COL4A2: variants seen among roughly 807,000 people sequenced by gnomAD.
The protein encoded by COL4A2 is collagen alpha-2(IV) chain.
In COL4A2, 99 loss-of-function variants were observed where a neutral mutation model predicts 200.2. The observed-to-expected ratio is 0.49, with a 90% CI of 0.42 to 0.58. The LOEUF (loss-of-function observed/expected upper bound fraction) is 0.58, where lower values mean the gene tolerates loss of function less well. Among genes scored for constraint, COL4A2 ranks in the 20% least tolerant of loss-of-function variants. The probability of loss-of-function intolerance (pLI) is 0.00; values close to 1 mark genes in which losing one functional copy is unlikely to be tolerated. For missense variants in COL4A2, 1,950 were observed against 2,314.1 expected, an observed-to-expected ratio of 0.84 and a Z score of 3.23; for synonymous variants, 897 against 900.6, an observed-to-expected ratio of 1.00 and a Z score of 0.07.
rs529941489 is a variant in COL4A2 at position 110,475,986 on chromosome 13, G to A, written c.2426-2017G>A. 9.2e-5 allele frequency among the ~76,000 whole-genome samples: 14 copies of A among 152,354 alleles called. No homozygotes were observed. The South Asian group carries it at 2.5e-3, about 27-fold the overall frequency. On this transcript the variant is annotated intron_variant, in intron 29 of 47. Coordinates refer to ENST00000360467, the MANE Select transcript of COL4A2 (RefSeq NM_001846.4). ...GTCCTTGCCGGAGGATCGGGCATTC[G>A]TGCACATTCACCCGGAGACCGTGCT...
rs74607427 is a variant in COL4A2 at position 110,471,409 on chromosome 13, G to A, written c.2204-1520G>A. ...TGAGGAACTGATCAGTTTCTGAAAC[G>A]CATGTCACTTTTTATGGTGCTGAAA... On this transcript the variant is annotated intron_variant, in intron 28 of 47. Transcript: ENST00000360467. Among the ~76,000 whole-genome samples the A allele has an allele frequency of 5.9e-5, 9 of 152,198 alleles. No homozygotes were observed. The East Asian group carries it at 9.6e-4, about 16-fold the overall frequency.
At chr13:110,334,193 AG>A (rs796578638) in intron 3 of COL4A2, among the ~76,000 whole-genome samples, 42 of 152,388 alleles carry the variant, frequency 2.8e-4, no homozygotes, top group African/African-American at 1.0e-3. Context: ...GGGGCTGAAT[AG>A]CGCATGCCCT....
chr13:110,485,800 T>G lies in COL4A2; in HGVS notation c.3171T>G (p.Pro1057=), dbSNP rs956608354. Residue 1057 remains proline, a synonymous_variant, in exon 34 of 48, where the codon CCT becomes CCG. Transcript: ENST00000360467. ...GATTCCCTGGGGTGGCTGGCCCCCC[T>G]GGAATTACGGGATTCCCAGGATTCA... The part of the protein sequence containing the change: ...LPGFPGVAGP[P]GITGFPGFIG... The G allele has an allele frequency of 1.2e-6, 2 of 1,613,608 alleles. No individual in the cohort carries two copies. Among genetic ancestry groups the G allele is most frequent in the African/African-American group, 2.7e-5 (2 of 74,928 alleles).
intron 4 of COL4A2, among the ~76,000 whole-genome samples, chr13:110,391,708 G>A (rs1354347102): frequency 1.3e-5 from 2 of 152,208 alleles, no homozygotes; most frequent in Non-Finnish European, 2.9e-5. Flanking sequence ...TTTCAGGGTC[G>A]TCATTGGGAT....
intron 3 of COL4A2, among the ~76,000 whole-genome samples, chr13:110,354,818 A>T (rs1594165018): frequency 6.6e-6 from 1 of 152,060 alleles, no homozygotes; most frequent in Non-Finnish European, 1.5e-5. Context: ...AACTCTTGCC[A>T]GGAGGTTTTG....
In COL4A2 at chr13:110,490,335, G is replaced by A. The variant is rs77835193; in HGVS notation, c.3346+550G>A. Among the ~76,000 whole-genome samples the A allele has an allele frequency of 2.8e-3, 421 of 152,340 alleles. 1 individual carries two copies. The highest frequency in any genetic ancestry group is 9.5e-3 in the African/African-American group (393 of 41,580). On this transcript the variant is annotated intron_variant, in intron 36 of 47. Coordinates refer to ENST00000360467, the MANE Select transcript of COL4A2 (RefSeq NM_001846.4). ...CCTGCAGTGACGTCTCAAGGGGACT[G>A]TGATAGTTTTCTTCTTTCTGGGGAT...
At chr13:110,449,828 G>A (rs1485211541) in intron 19 of COL4A2, 39 bp downstream of exon 19, 6 of 1,536,082 alleles carry the variant, frequency 3.9e-6, no homozygotes, top group Middle Eastern at 2.3e-4. Context: ...GAGACCCAAA[G>A]CACCTGCACT....
At chr13:110,407,012 C>T (rs754171743) in intron 4 of COL4A2, among the ~76,000 whole-genome samples, 12 of 152,188 alleles carry the variant, frequency 7.9e-5, no homozygotes, top group African/African-American at 1.7e-4. Context: ...CCAAGCAGCC[C>T]ACCCCGATCG....
intron 13 of COL4A2, 140 bp downstream of exon 13, chr13:110,436,507 C>T (rs1313282985): frequency 2.6e-6 from 3 of 1,164,218 alleles, no homozygotes; most frequent in South Asian, 2.0e-5. Flanking sequence ...AAAACATAAC[C>T]GGGTCCTCCC....
At chr13:110,350,575 G>A (rs1206129181) in intron 3 of COL4A2, among the ~76,000 whole-genome samples, 1 of 152,202 alleles carries the variant, frequency 6.6e-6, no homozygotes, top group East Asian at 1.9e-4. Context: ...TGCTGAACCT[G>A]TAATAACTCC....
intron 3 of COL4A2, among the ~76,000 whole-genome samples, chr13:110,319,946 T>C (rs1453244348): frequency 6.6e-6 from 1 of 152,208 alleles, no homozygotes; most frequent in Non-Finnish European, 1.5e-5. Context: ...TAGGCCAAAA[T>C]TGTGTATCTT....
intron 29 of COL4A2, among the ~76,000 whole-genome samples, chr13:110,476,054 G>A (rs1322963171): frequency 3.9e-5 from 6 of 152,204 alleles, no homozygotes; most frequent in South Asian, 2.1e-4. Context: ...TCAGAAGCAC[G>A]CCCAGACTGT....
At chr13:110,408,693 C>A (rs182176858) in intron 4 of COL4A2, among the ~76,000 whole-genome samples, 1 of 152,126 alleles carries the variant, frequency 6.6e-6, no homozygotes, top group South Asian at 2.1e-4. Flanking sequence ...AACATCCTTG[C>A]GGCATTGCTC....
intron 12 of COL4A2, among the ~76,000 whole-genome samples, chr13:110,435,756 AG>A (rs1880848255): frequency 6.6e-6 from 1 of 152,238 alleles, no homozygotes; most frequent in Non-Finnish European, 1.5e-5. Flanking sequence ...CACATCAAAA[AG>A]TGTTTTCTGC....
intron 4 of COL4A2, among the ~76,000 whole-genome samples, chr13:110,376,243 A>G (rs1878232150): frequency 6.6e-6 from 1 of 152,148 alleles, no homozygotes; most frequent in Non-Finnish European, 1.5e-5. Context: ...GTAAGGTATA[A>G]GTAAGGAAAT....
chr13:110,329,489 A>G (rs1875805501), intron 3 of COL4A2, among the ~76,000 whole-genome samples: 1 of 152,168 alleles, frequency 6.6e-6, no homozygotes, highest in African/African-American at 2.4e-5. Flanking sequence ...TGCGGGTGCC[A>G]CATATTTGTT....
intron 4 of COL4A2, among the ~76,000 whole-genome samples, chr13:110,382,330 T>G (rs1878521897): frequency 6.6e-6 from 1 of 152,144 alleles, no homozygotes; most frequent in Non-Finnish European, 1.5e-5. Flanking sequence ...TTTAAAAGAC[T>G]TAGGGGAAAA....
Position 110,502,975 on chromosome 13 carries a change from A to G in COL4A2, c.3878-146A>G, listed in dbSNP as rs909838492. 39 of 763,084 alleles carry G rather than the reference A, an allele frequency of 5.1e-5. No individual in the cohort carries two copies. The Admixed American group carries it at 8.7e-4, about 17-fold the overall frequency. 47.3% of individuals were successfully genotyped at this position (763,084 alleles called of 1,614,324 possible). The stretch of plus-strand genomic sequence containing the variant: ...ACTTTTATGTTCTACGTATTTTACG[A>G]CAATTTTTTAAAAACATAGACAAAG... On this transcript the variant is annotated intron_variant, in intron 41 of 47. Transcript: ENST00000360467.
chr13:110,392,335 G>A lies in COL4A2; in HGVS notation c.181-32399G>A, dbSNP rs532959765. ...CAAAGAATGATGCTATAGTTGAAAC[G>A]TAAATGGAGGAGGACTGGGTATTTA... On this transcript the variant is annotated intron_variant, in intron 4 of 47. Transcript: ENST00000360467. 7.2e-5 allele frequency among the ~76,000 whole-genome samples: 11 copies of A among 152,300 alleles called. No homozygotes were observed. In the South Asian group the frequency reaches 1.2e-3, roughly 17 times the overall value.
Sources: gnomAD v4.1 joint callset for allele counts (sites outside exome capture counted in the v4.1 genomes callset) on GRCh38, gnomAD v4.1.1 for gene constraint, MANE v1.5 for transcripts, NCBI Gene and HGNC (gene_info 2026-07-23, HGNC 2026-07-21) for gene names.